The following CHST12 variants were observed in gnomAD, a reference collection of about 807,000 sequenced individuals.
CHST12 encodes carbohydrate (chondroitin 4) sulfotransferase 12.
A neutral mutation model predicts 27.9 loss-of-function variants in CHST12; 23 were observed. The ratio of observed to expected loss-of-function variants is 0.82; its 90% CI spans 0.59 to 1.17. The LOEUF (loss-of-function observed/expected upper bound fraction) is 1.17. Among genes scored for constraint, CHST12 ranks in the 50% most tolerant of loss-of-function variants. The pLI, the probability that CHST12 is intolerant of heterozygous loss-of-function variation, is 0.00. For synonymous variants in CHST12, 322 were observed against 273.0 expected (o/e 1.18, Z -1.77); for missense variants, 682 against 603.0 (o/e 1.13, Z -1.37).
chr7:2,419,030 TCA>T (rs1781889009), intron 1 of CHST12, among the ~76,000 whole-genome samples: 1 of 152,160 alleles, frequency 6.6e-6, no homozygotes, highest in African/African-American at 2.4e-5. Flanking sequence ...ACCCCTTGGC[TCA>T]AGCAATCCCC....
chr7:2,414,336 C>T (rs892140407), intron 1 of CHST12, among the ~76,000 whole-genome samples: 2 of 151,020 alleles, frequency 1.3e-5, no homozygotes, highest in Admixed American at 6.6e-5. Flanking sequence ...CAGGCTGGAG[C>T]GCAATGGTGT....
chr7:2,418,595 C>T (rs1299598002), intron 1 of CHST12, among the ~76,000 whole-genome samples: 1 of 152,182 alleles, frequency 6.6e-6, no homozygotes, highest in Non-Finnish European at 1.5e-5. Flanking sequence ...TACTTTATGG[C>T]TTCAGTGTTG....
chr7:2,426,046 G>A (rs1178917309), intron 1 of CHST12, among the ~76,000 whole-genome samples: 1 of 152,106 alleles, frequency 6.6e-6, no homozygotes, highest in African/African-American at 2.4e-5. Context: ...CCTCTTTGGG[G>A]GACCTGCATA....
At position 2,437,129 on chromosome 7, in the gene CHST12, A is replaced by G. The variant is rs1782492549; in HGVS notation, c.*3245A>G. 1 of 152,266 alleles carries G rather than the reference A, an allele frequency of 6.6e-6. No homozygotes were observed. The allele number at this position is 152,266 out of a possible 1,614,324, so 9.4% of individuals were successfully genotyped here. A position where few individuals can be genotyped will look rare whatever the true frequency, so the allele number is the denominator to read the frequency against. The stretch of plus-strand genomic sequence containing the variant: ...ATGAAAATTGGCATCGTACAACTGG[A>G]AAATTTAACCATAAACTTAAAACTC... On this transcript the variant is annotated 3_prime_UTR_variant, in exon 2 of 2. Transcript: ENST00000618655.
chr7:2,416,734 A>G (rs1781818216), intron 1 of CHST12, among the ~76,000 whole-genome samples: 1 of 152,186 alleles, frequency 6.6e-6, no homozygotes. Context: ...TAAAGAGGAA[A>G]AAGTAGGCAG....
intron 1 of CHST12, among the ~76,000 whole-genome samples, chr7:2,428,376 T>G (rs975599843): frequency 2.6e-4 from 40 of 152,070 alleles, no homozygotes; most frequent in Non-Finnish European, 4.9e-4. Context: ...TTGTATTTTT[T>G]AGTAGAGACG....
intron 1 of CHST12, among the ~76,000 whole-genome samples, chr7:2,422,376 C>T (rs1781999436): frequency 6.6e-6 from 1 of 151,910 alleles, no homozygotes; most frequent in Non-Finnish European, 1.5e-5. Flanking sequence ...TCCCGAGTAG[C>T]TGGGATTACA....
chr7:2,428,156 C>T (rs1321900054), intron 1 of CHST12, among the ~76,000 whole-genome samples: 5 of 150,846 alleles, frequency 3.3e-5, no homozygotes, highest in Non-Finnish European at 7.4e-5. Flanking sequence ...ATTTTTGCAT[C>T]CAAGTTCATA....
intron 1 of CHST12, among the ~76,000 whole-genome samples, chr7:2,429,322 TGCCTCAG>T (rs1391749180): frequency 2.6e-5 from 4 of 152,158 alleles, no homozygotes; most frequent in Non-Finnish European, 5.9e-5. Context: ...GTGTTCCTCC[TGCCTCAG>T]CCTACCAAAG....
intron 1 of CHST12, among the ~76,000 whole-genome samples, chr7:2,424,550 G>A (rs1325066503): frequency 1.3e-5 from 2 of 152,100 alleles, no homozygotes; most frequent in East Asian, 3.9e-4. Flanking sequence ...GTCTCCCAGT[G>A]CGAGACTCTC....
At chr7:2,419,206 C>A (rs1325375050) in intron 1 of CHST12, among the ~76,000 whole-genome samples, 1 of 152,084 alleles carries the variant, frequency 6.6e-6, no homozygotes, top group Non-Finnish European at 1.5e-5. Context: ...CCCAGGAGTT[C>A]AAGACCATCC....
At chr7:2,424,057 T>G (rs1301186873) in intron 1 of CHST12, among the ~76,000 whole-genome samples, 1 of 151,794 alleles carries the variant, frequency 6.6e-6, no homozygotes, top group East Asian at 1.9e-4. Flanking sequence ...ATTTCAAAAT[T>G]AATTGATTAA....
rs1347198032 is a variant in CHST12 at position 2,428,466 on chromosome 7, A to G, written c.-77-4097A>G. Among the ~76,000 whole-genome samples the G allele has an allele frequency of 2.5e-4, 38 of 152,168 alleles. 1 individual carries two copies. Among genetic ancestry groups the G allele is most frequent in the Admixed American group, 2.5e-3 (38 of 15,266 alleles). On this transcript the variant is annotated intron_variant, in intron 1 of 1. Coordinates refer to ENST00000618655, the MANE Select transcript of CHST12 (RefSeq NM_018641.5). ...CCCAGGCGGATCAGCAGGTCGAGAA[A>G]TAATAGACACACACAAGACAGTGAA...
In CHST12 at chr7:2,432,841, G is replaced by A. The variant is rs1782322503; in HGVS notation, c.202G>A (p.Glu68Lys). ...RELTADSDVD[E>K]FLDKFLSAGV... ...GCTCACGGCCGACTCCGATGTCGAC[G>A]AGTTTCTGGACAAGTTTCTCAGTGC... Residue 68 changes from glutamate to lysine, a missense_variant, in exon 2 of 2, where the codon GAG becomes AAG. By Grantham distance (56) the Glu-to-Lys change is moderately conservative (BLOSUM62 1). Transcript: ENST00000618655. The A allele has an allele frequency of 1.2e-6, 2 of 1,613,862 alleles. No individual in the cohort carries two copies. Among genetic ancestry groups the A allele is most frequent in the African/African-American group, 2.7e-5 (2 of 75,046 alleles).
At chr7:2,405,142 G>T (rs1184560256) in intron 1 of CHST12, among the ~76,000 whole-genome samples, 1 of 152,138 alleles carries the variant, frequency 6.6e-6, no homozygotes, top group African/African-American at 2.4e-5. Flanking sequence ...TTGAGGATTG[G>T]GTTGGAAGCT....
At position 2,432,948 on chromosome 7, in the gene CHST12, C is replaced by A. The variant is rs200264761; in HGVS notation, c.309C>A (p.Gly103=). 17 of 1,611,192 alleles carry A rather than the reference C, an allele frequency of 1.1e-5. No individual in the cohort carries two copies. Among genetic ancestry groups the A allele is most frequent in the Non-Finnish European group, 4.2e-6 (5 of 1,178,674 alleles). The change falls in exon 2 of 2, where the codon GGC becomes GGA. Residue 103 remains glycine, a synonymous_variant. Coordinates refer to ENST00000618655, the MANE Select transcript of CHST12 (RefSeq NM_018641.5). ...APGSMEESVR[G]YDWSPRDARR... The stretch of plus-strand genomic sequence containing the variant: ...GGAGCATGGAGGAGAGCGTGAGAGG[C>A]TACGACTGGTCCCCGCGCGACGCCC...
rs1183865746 is a variant in CHST12, at chr7:2,447,158, AG to A, written c.*13276del. The stretch of plus-strand genomic sequence containing the variant: ...CAGGCCTGGGCTGCAGAGAGCCTGA[AG>A]GTCATGGGGTAGCTGGTGGAAGCAG... On this transcript the variant is annotated 3_prime_UTR_variant, in exon 2 of 2. Coordinates refer to ENST00000618655, the MANE Select transcript of CHST12 (RefSeq NM_018641.5). 4 of 152,364 alleles carry A rather than the reference AG, an allele frequency of 2.6e-5. No individual in the cohort carries two copies. The highest frequency in any genetic ancestry group is 6.5e-5 in the Admixed American group (1 of 15,280). The allele number at this position is 152,364 out of a possible 1,614,324, so 9.4% of individuals were successfully genotyped here.
At position 2,433,731 on chromosome 7, in the gene CHST12, C is replaced by A. The variant is rs758895814; in HGVS notation, c.1092C>A (p.Phe364Leu). ...QLLQVDRQLR[F>L]PPSYRNRTAS... ...TCCAGGTGGACCGGCAGCTCCGCTT[C>A]CCCCCGAGCTACCGGAACAGGACCG... Residue 364 changes from phenylalanine to leucine, a missense_variant, in exon 2 of 2, where the codon TTC becomes TTA. Coordinates refer to ENST00000618655, the MANE Select transcript of CHST12 (RefSeq NM_018641.5). The surrounding 1 kb of genome is among the most constrained non-coding windows in gnomAD (Gnocchi z 6.1). 5 of 1,613,490 alleles carry A rather than the reference C, an allele frequency of 3.1e-6. No individual in the cohort carries two copies. The East Asian group carries it at 6.7e-5, about 22-fold the overall frequency.
At chr7:2,422,590 C>T (rs1782006578) in intron 1 of CHST12, among the ~76,000 whole-genome samples, 1 of 150,952 alleles carries the variant, frequency 6.6e-6, no homozygotes, top group Non-Finnish European at 1.5e-5. Flanking sequence ...GGCTGGAGTG[C>T]AGTGGTGCGA....
Sources: allele counts gnomAD v4.1 joint callset (sites outside exome capture counted in the v4.1 genomes callset), GRCh38; gene constraint gnomAD v4.1.1; non-coding constraint Gnocchi (gnomAD v3.1); transcripts MANE v1.5; gene names NCBI Gene and HGNC (gene_info 2026-07-23, HGNC 2026-07-21).